Variants in FBXL17 observed in about 807,000 individuals in gnomAD.
FBXL17 encodes F-box/LRR-repeat protein 17.
Under a neutral mutation model 66.2 loss-of-function variants are expected in FBXL17, and 22 were observed. The observed-to-expected ratio is 0.33, with a 90% CI of 0.24 to 0.47. The LOEUF is 0.47. Among genes scored for constraint, FBXL17 ranks in the 20% least tolerant of loss-of-function variants. The probability of loss-of-function intolerance (pLI) is 1.00; values close to 1 mark genes in which losing one functional copy is unlikely to be tolerated. For missense variants in FBXL17, 878 were observed against 948.2 expected (o/e 0.93, Z 0.97); for synonymous variants, 474 against 400.5 (o/e 1.18, Z -2.19).
chr5:108,369,059 G>A (rs1002869728), intron 1 of FBXL17, among the ~76,000 whole-genome samples: 1 of 152,132 alleles, frequency 6.6e-6, no homozygotes, highest in Admixed American at 6.6e-5. Context: ...CACAGATATG[G>A]GACAAATGAC....
chr5:107,931,295 C>T (rs1750729644), intron 7 of FBXL17, among the ~76,000 whole-genome samples: 1 of 142,406 alleles, frequency 7.0e-6, no homozygotes, highest in East Asian at 2.0e-4. Context: ...GTCTCACTGT[C>T]ATTGCCCAGG....
chr5:107,880,056 T>A, intron 8 of FBXL17: 1 of 333,404 alleles, frequency 3.0e-6, no homozygotes, highest in Non-Finnish European at 4.3e-6. Flanking sequence ...GAGTGCCTGG[T>A]GTCCAGTATA....
intron 5 of FBXL17, among the ~76,000 whole-genome samples, chr5:108,209,908 T>C (rs568141065): frequency 6.6e-6 from 1 of 152,332 alleles, no homozygotes; most frequent in South Asian, 2.1e-4. Flanking sequence ...TTTGTACTTC[T>C]GGTAGAATGC....
At chr5:108,323,579 G>T (rs1759718724) in intron 4 of FBXL17, among the ~76,000 whole-genome samples, 1 of 151,688 alleles carries the variant, frequency 6.6e-6, no homozygotes, top group Non-Finnish European at 1.5e-5. Flanking sequence ...GGCATTTTTT[G>T]CAGAAAAAGA....
At chr5:107,973,077 A>G (rs1205541232) in intron 7 of FBXL17, among the ~76,000 whole-genome samples, 2 of 152,182 alleles carry the variant, frequency 1.3e-5, no homozygotes, top group Admixed American at 6.5e-5. Context: ...CCCTCAATGC[A>G]TGCAACATTC....
chr5:107,876,125 C>G (rs1458399923), intron 8 of FBXL17, among the ~76,000 whole-genome samples: 1 of 152,248 alleles, frequency 6.6e-6, no homozygotes, highest in Non-Finnish European at 1.5e-5. Context: ...AAGAAAAAAC[C>G]TCCCAGGAGA....
intron 7 of FBXL17, among the ~76,000 whole-genome samples, chr5:107,937,361 G>A (rs1173102698): frequency 6.6e-6 from 1 of 152,128 alleles, no homozygotes; most frequent in African/African-American, 2.4e-5. Flanking sequence ...GCCAGTGTTA[G>A]ACTGATTTTT....
intron 8 of FBXL17, among the ~76,000 whole-genome samples, chr5:107,871,267 C>G (rs1030916274): frequency 6.6e-6 from 1 of 152,050 alleles, no homozygotes; most frequent in African/African-American, 2.4e-5. Flanking sequence ...GTCTCTTTTT[C>G]ATGAAATGTG....
chr5:108,228,533 G>T (rs1755194399), intron 4 of FBXL17, among the ~76,000 whole-genome samples: 1 of 151,986 alleles, frequency 6.6e-6, no homozygotes. Context: ...TACCCCACAG[G>T]GTAAAATGTG....
At chr5:107,904,435 G>A (rs1458439766) in intron 7 of FBXL17, among the ~76,000 whole-genome samples, 4 of 152,124 alleles carry the variant, frequency 2.6e-5, no homozygotes, top group Non-Finnish European at 5.9e-5. Flanking sequence ...AGTCTAACTG[G>A]TTTCTTGACT....
At chr5:108,308,874 C>T (rs28613928) in intron 4 of FBXL17, among the ~76,000 whole-genome samples, 7,636 of 151,976 alleles carry the variant, frequency 0.05, 639 homozygotes, top group African/African-American at 0.17. Flanking sequence ...AAACACTGTA[C>T]GTAAGAATAT....
intron 7 of FBXL17, among the ~76,000 whole-genome samples, chr5:107,955,583 T>C (rs1480414768): frequency 6.6e-6 from 1 of 152,166 alleles, no homozygotes; most frequent in African/African-American, 2.4e-5. Context: ...CTTTTTCAAA[T>C]TAGCAAAATG....
rs1750842918 is a variant in FBXL17 at position 108,129,460 on chromosome 5, G to A, written c.1745+56657C>T. On this transcript the variant is annotated intron_variant, in intron 6 of 8. Coordinates refer to ENST00000542267, the MANE Select transcript of FBXL17 (RefSeq NM_001163315.3). Reference sequence around the variant, plus strand: ...CACTATCTGTTGAAAAGTCTCACAGGTATGAAATTGTCTAATTGAATATCA... The same window carrying A: ...CACTATCTGTTGAAAAGTCTCACAGATATGAAATTGTCTAATTGAATATCA... Among the ~76,000 whole-genome samples the A allele has an allele frequency of 1.3e-5, 2 of 151,988 alleles. 1 individual carries two copies. Among genetic ancestry groups the A allele is most frequent in the Admixed American group, 1.3e-4 (2 of 15,264 alleles).
At chr5:108,126,080 G>A (rs894093367) in intron 6 of FBXL17, among the ~76,000 whole-genome samples, 11 of 152,094 alleles carry the variant, frequency 7.2e-5, no homozygotes, top group African/African-American at 2.2e-4. Flanking sequence ...GCAATCATGT[G>A]CAGTTATAAG....
At chr5:107,966,484 T>C (rs574066905) in intron 7 of FBXL17, among the ~76,000 whole-genome samples, 5 of 152,210 alleles carry the variant, frequency 3.3e-5, no homozygotes, top group Middle Eastern at 3.4e-3. Flanking sequence ...GGAGATCCAG[T>C]TGTAACTTAC....
intron 6 of FBXL17, among the ~76,000 whole-genome samples, chr5:108,072,169 A>C (rs1183061790): frequency 6.6e-6 from 1 of 152,128 alleles, no homozygotes; most frequent in Non-Finnish European, 1.5e-5. Flanking sequence ...ACACTTATCT[A>C]CATGGAATTC....
At position 108,092,949 on chromosome 5, in the gene FBXL17, T is replaced by C. The variant is rs146620279; in HGVS notation, c.1746-71948A>G. Among the ~76,000 whole-genome samples the C allele has an allele frequency of 5.5e-4, 84 of 152,302 alleles. 1 individual carries two copies. The highest frequency in any genetic ancestry group is 2.0e-3 in the African/African-American group (83 of 41,574). On this transcript the variant is annotated intron_variant, in intron 6 of 8. Transcript: ENST00000542267. ...CTATATTATATAAACATATAATCAATGTGTGAAATAATTACACAGAAAATT... is the reference window on the plus strand; with the variant it reads ...CTATATTATATAAACATATAATCAACGTGTGAAATAATTACACAGAAAATT...
chr5:108,124,746 A>G (rs1483137194), intron 6 of FBXL17, among the ~76,000 whole-genome samples: 1 of 152,054 alleles, frequency 6.6e-6, no homozygotes, highest in Non-Finnish European at 1.5e-5. Context: ...TTTCTAGTCT[A>G]TGTAGCAATG....
intron 6 of FBXL17, among the ~76,000 whole-genome samples, chr5:108,114,810 C>T (rs910028780): frequency 1.3e-5 from 2 of 152,126 alleles, no homozygotes; most frequent in African/African-American, 4.8e-5. Flanking sequence ...TTATCATTGG[C>T]TTGTGATACT....
Sources: gnomAD v4.1 joint callset for allele counts (sites outside exome capture counted in the v4.1 genomes callset) on GRCh38, gnomAD v4.1.1 for gene constraint, MANE v1.5 for transcripts, NCBI Gene and HGNC (gene_info 2026-07-23, HGNC 2026-07-21) for gene names.